Variants in AGBL4 observed in about 807,000 individuals in gnomAD.
The protein encoded by AGBL4 is AGBL carboxypeptidase 4, also known as cytosolic carboxypeptidase 6.
AGBL4 carries 58 observed loss-of-function variants against 66.4 expected under a neutral mutation model. That is an observed-to-expected ratio of 0.87 (90% CI 0.71 to 1.09). AGBL4 has a LOEUF of 1.09. Ranked by LOEUF, AGBL4 falls within the 50% of genes least tolerant of loss-of-function variation. AGBL4 has a pLI of 0.00. For missense variants in AGBL4, 579 were observed against 631.0 expected (o/e 0.92, Z 0.88); for synonymous variants, 234 against 222.9 (o/e 1.05, Z -0.44).
At chr1:49,095,323 T>G (rs1571432923) in intron 4 of AGBL4, among the ~76,000 whole-genome samples, 4 of 151,978 alleles carry the variant, frequency 2.6e-5, no homozygotes, top group South Asian at 2.1e-4. Context: ...TCACAAAATT[T>G]GAAAAAACTA....
chr1:49,585,958 G>C (rs1644639114), intron 3 of AGBL4, among the ~76,000 whole-genome samples: 1 of 151,918 alleles, frequency 6.6e-6, no homozygotes, highest in South Asian at 2.1e-4. Flanking sequence ...TGTGTATTGG[G>C]GCCATATTTG....
chr1:49,895,449 G>C (rs1366191190), intron 1 of AGBL4, among the ~76,000 whole-genome samples: 1 of 151,886 alleles, frequency 6.6e-6, no homozygotes, highest in East Asian at 1.9e-4. Context: ...TAAGTAGAAA[G>C]ACTAAACAAT....
chr1:48,963,498 C>T (rs1658172098), intron 5 of AGBL4, among the ~76,000 whole-genome samples: 1 of 151,502 alleles, frequency 6.6e-6, no homozygotes, highest in Non-Finnish European at 1.5e-5. Flanking sequence ...GTGTAGAATT[C>T]ATCTTTTTTT....
At chr1:49,438,253 T>C (rs1230894355) in intron 3 of AGBL4, among the ~76,000 whole-genome samples, 9 of 152,220 alleles carry the variant, frequency 5.9e-5, no homozygotes, top group African/African-American at 1.4e-4. Context: ...CTCTACATAG[T>C]TGCCTCTCAA....
chr1:49,440,092 CAG>C (rs1194497984), intron 3 of AGBL4, among the ~76,000 whole-genome samples: 1 of 122,802 alleles, frequency 8.1e-6, no homozygotes, highest in Non-Finnish European at 1.6e-5. Context: ...TTTTTTGAGA[CAG>C]AGTCTTGCTC....
At chr1:49,843,607 A>C (rs1388471432) in intron 2 of AGBL4, among the ~76,000 whole-genome samples, 1 of 152,186 alleles carries the variant, frequency 6.6e-6, no homozygotes, top group Admixed American at 6.5e-5. Flanking sequence ...GTGATTACAC[A>C]GGTCCACTCA....
intron 2 of AGBL4, among the ~76,000 whole-genome samples, chr1:49,804,354 A>T (rs914056889): frequency 6.6e-6 from 1 of 152,232 alleles, no homozygotes; most frequent in East Asian, 1.9e-4. Flanking sequence ...AATTCTTTCA[A>T]TGTGTCCCAG....
In AGBL4 at chr1:48,620,423, C is replaced by T. The variant is rs112173741; in HGVS notation, c.951+14070G>A. On this transcript the variant is annotated intron_variant, in intron 9 of 13. Coordinates refer to ENST00000371839, the MANE Select transcript of AGBL4 (RefSeq NM_032785.4). ...TCCCTAGTATCTAGGACTACAGGTG[C>T]GCACCATCATGCTCGGCTTTTAAAA... is the stretch of plus-strand genomic sequence containing the variant. Among the ~76,000 whole-genome samples, 166 of 152,122 alleles carry T rather than the reference C, an allele frequency of 1.1e-3. 1 individual carries two copies. Among genetic ancestry groups the T allele is most frequent in the African/African-American group, 3.9e-3 (160 of 41,496 alleles).
chr1:49,518,125 A>G (rs2148796048), intron 3 of AGBL4, among the ~76,000 whole-genome samples: 1 of 152,224 alleles, frequency 6.6e-6, no homozygotes, highest in South Asian at 2.1e-4. Context: ...CTGAACAGAT[A>G]ATTAACATAC....
At chr1:49,357,356 A>G (rs917679545) in intron 3 of AGBL4, among the ~76,000 whole-genome samples, 2 of 152,160 alleles carry the variant, frequency 1.3e-5, no homozygotes, top group African/African-American at 4.8e-5. Flanking sequence ...TACGGAGATG[A>G]ATTATCTGCA....
chr1:49,793,982 C>T (rs754146141), intron 2 of AGBL4, among the ~76,000 whole-genome samples: 21 of 151,940 alleles, frequency 1.4e-4, no homozygotes, highest in South Asian at 4.2e-4. Flanking sequence ...AATCAATTAT[C>T]GTGAGGATAG....
intron 3 of AGBL4, among the ~76,000 whole-genome samples, chr1:49,260,771 C>G (rs1653065795): frequency 1.3e-5 from 2 of 152,018 alleles, no homozygotes. Context: ...CTACTCCAAT[C>G]AATAGAAAAA....
chr1:49,179,277 T>C (rs1276883249), intron 4 of AGBL4, among the ~76,000 whole-genome samples: 1 of 152,000 alleles, frequency 6.6e-6, no homozygotes, highest in Non-Finnish European at 1.5e-5. Flanking sequence ...CCAGTGGAGA[T>C]AGTGAGAAAT....
intron 3 of AGBL4, among the ~76,000 whole-genome samples, chr1:49,559,639 T>A (rs1212768068): frequency 6.6e-6 from 1 of 152,170 alleles, no homozygotes; most frequent in Non-Finnish European, 1.5e-5. Context: ...TTGATCCTTC[T>A]ACTGTTCTGG....
intron 1 of AGBL4, among the ~76,000 whole-genome samples, chr1:49,946,818 C>A (rs1267789459): frequency 6.6e-6 from 1 of 151,468 alleles, no homozygotes; most frequent in African/African-American, 2.4e-5. Context: ...CCAAGAATAA[C>A]CAAGAAAACA....
chr1:48,955,315 G>A (rs1657349649), intron 5 of AGBL4, among the ~76,000 whole-genome samples: 1 of 152,142 alleles, frequency 6.6e-6, no homozygotes, highest in Admixed American at 6.5e-5. Context: ...CTGCAGTTGA[G>A]CTTTAGACAG....
chr1:48,564,778 C>A lies in AGBL4; in HGVS notation c.1267+22226G>T, dbSNP rs369731055. Among the ~76,000 whole-genome samples, 115 of 152,344 alleles carry A rather than the reference C, an allele frequency of 7.5e-4. 1 individual carries two copies. Among genetic ancestry groups the A allele is most frequent in the South Asian group, 6.2e-3 (30 of 4,834 alleles). On this transcript the variant is annotated intron_variant, in intron 11 of 13. Coordinates refer to ENST00000371839, the MANE Select transcript of AGBL4 (RefSeq NM_032785.4). ...AAAACTCAACCAACCAACCAACCAA[C>A]TCACCAGACAACAAAACATTTTCCT...
intron 5 of AGBL4, among the ~76,000 whole-genome samples, chr1:48,999,554 C>T (rs751263533): frequency 6.6e-6 from 1 of 152,164 alleles, no homozygotes; most frequent in African/African-American, 2.4e-5. Flanking sequence ...CTTGGCATGA[C>T]GTGCCTCCAC....
intron 2 of AGBL4, among the ~76,000 whole-genome samples, chr1:49,754,343 T>C (rs1478938724): frequency 6.6e-6 from 1 of 151,646 alleles, no homozygotes; most frequent in Non-Finnish European, 1.5e-5. Context: ...CATGTGCACA[T>C]TGTGCAGGTT....
Sources: gnomAD v4.1 joint callset for allele counts (sites outside exome capture counted in the v4.1 genomes callset) on GRCh38, gnomAD v4.1.1 for gene constraint, MANE v1.5 for transcripts, NCBI Gene and HGNC (gene_info 2026-07-23, HGNC 2026-07-21) for gene names.